The following TIAM2 variants were observed in gnomAD, a reference collection of about 807,000 sequenced individuals.
The protein encoded by TIAM2 is TIAM Rac1 associated GEF 2, also known as rho guanine nucleotide exchange factor TIAM2.
TIAM2 carries 80 observed loss-of-function variants against 152.9 expected under a neutral mutation model. The ratio of observed to expected loss-of-function variants is 0.52; its 90% CI spans 0.44 to 0.63. The LOEUF (loss-of-function observed/expected upper bound fraction) is 0.63. Ranked by LOEUF, TIAM2 falls within the 30% of genes least tolerant of loss-of-function variation. The pLI, the probability that TIAM2 is intolerant of heterozygous loss-of-function variation, is 0.00. For missense variants in TIAM2, 1,965 were observed against 2,120.1 expected, an observed-to-expected ratio of 0.93 and a Z score of 1.44; for synonymous variants, 804 against 838.0, an observed-to-expected ratio of 0.96 and a Z score of 0.70.
chr6:155,245,460 G>A (rs941461722), intron 18 of TIAM2, among the ~76,000 whole-genome samples, 163 bp from the exon 19 acceptor site: 12 of 152,204 alleles, frequency 7.9e-5, no homozygotes, highest in African/African-American at 1.7e-4. Flanking sequence ...CCAGGGGAGC[G>A]CCTGGGCTGT....
chr6:155,047,728 A>AGAGC (rs1562300285), intron 1 of TIAM2, among the ~76,000 whole-genome samples: 25 of 132,470 alleles, frequency 1.9e-4, no homozygotes, highest in African/African-American at 6.5e-4. Flanking sequence ...AGAGAGAGCG[A>AGAGC]GAGAGAGAGA....
At chr6:155,198,775 A>G (rs1027744658) in intron 14 of TIAM2, among the ~76,000 whole-genome samples, 1 of 151,808 alleles carries the variant, frequency 6.6e-6, no homozygotes, top group Admixed American at 6.6e-5. Context: ...TGAGGCTTCC[A>G]TGATTTCTTC....
intron 1 of TIAM2, among the ~76,000 whole-genome samples, chr6:155,009,028 A>G (rs1458116193): frequency 1.4e-5 from 2 of 147,010 alleles, no homozygotes; most frequent in Admixed American, 1.4e-4. Context: ...CATCAGAATC[A>G]CCTGGAGGGC....
intron 5 of TIAM2, among the ~76,000 whole-genome samples, chr6:155,142,391 T>C (rs1340493509): frequency 6.6e-6 from 1 of 152,226 alleles, no homozygotes; most frequent in Non-Finnish European, 1.5e-5. Context: ...TTGGTGACAT[T>C]TTGGCATTGG....
chr6:155,128,954 C>T (rs753229926), intron 3 of TIAM2, among the ~76,000 whole-genome samples: 7 of 152,078 alleles, frequency 4.6e-5, no homozygotes, highest in African/African-American at 1.4e-4. Context: ...TATGCCTGTT[C>T]GCCTTCTAAA....
At chr6:155,071,750 G>C (rs977887643) in intron 1 of TIAM2, among the ~76,000 whole-genome samples, 1 of 152,072 alleles carries the variant, frequency 6.6e-6, no homozygotes, top group Non-Finnish European at 1.5e-5. Flanking sequence ...ACAAAAATTA[G>C]CTGGGTGTGG....
At chr6:155,093,829 T>G (rs1267751865) in intron 2 of TIAM2, among the ~76,000 whole-genome samples, 2 of 152,200 alleles carry the variant, frequency 1.3e-5, no homozygotes, top group Non-Finnish European at 2.9e-5. Context: ...ATTATCTGCT[T>G]TCCTAGGCCA....
intron 9 of TIAM2, among the ~76,000 whole-genome samples, chr6:155,170,876 TA>T (rs1185363271): frequency 1.3e-5 from 2 of 152,224 alleles, no homozygotes; most frequent in African/African-American, 2.4e-5. Flanking sequence ...AGGACAATTT[TA>T]ATGCAGCCTC....
Position 155,256,833 on chromosome 6 carries a change from G to A in TIAM2, c.4818G>A (p.Glu1606=), listed in dbSNP as rs113400640. ...RISEDPDVHP[E]AEQQPGPESG... Reference sequence around the variant, plus strand: ...CCGAGGACCCAGACGTTCACCCCGAGGCTGAGCAGCAGCCTGGCCCGGAGT... The same window carrying A: ...CCGAGGACCCAGACGTTCACCCCGAAGCTGAGCAGCAGCCTGGCCCGGAGT... Residue 1606 remains glutamate (E), a synonymous_variant, in exon 27 of 27, where the codon GAG becomes GAA. Transcript: ENST00000682666. 2,372 of 1,614,178 alleles carry A rather than the reference G, an allele frequency of 1.5e-3. 37 individuals carry two copies. In the African/African-American group the frequency reaches 0.028, roughly 19 times the overall value.
intron 2 of TIAM2, among the ~76,000 whole-genome samples, chr6:155,094,610 C>T (rs1163316711): frequency 9.3e-5 from 12 of 129,468 alleles, no homozygotes; most frequent in Middle Eastern, 6.0e-3. Flanking sequence ...GGTGCAGTGG[C>T]GCTATCTCAG....
intron 19 of TIAM2, among the ~76,000 whole-genome samples, chr6:155,246,953 G>A (rs1783372008): frequency 6.6e-6 from 1 of 152,230 alleles, no homozygotes; most frequent in Admixed American, 6.5e-5. Flanking sequence ...AAGTAGCACT[G>A]GTGTATCCGC....
intron 2 of TIAM2, among the ~76,000 whole-genome samples, chr6:155,115,644 C>A (rs1010842322): frequency 5.3e-5 from 8 of 152,098 alleles, no homozygotes; most frequent in Non-Finnish European, 8.8e-5. Flanking sequence ...TAGAGCAAGA[C>A]CCTGGCAATA....
chr6:155,007,842 G>A (rs1025684903), intron 1 of TIAM2, among the ~76,000 whole-genome samples: 2 of 152,166 alleles, frequency 1.3e-5, no homozygotes, highest in African/African-American at 2.4e-5. Flanking sequence ...CCGTCGGATG[G>A]TTGCCATTGC....
chr6:155,232,187 C>T (rs529956306), intron 15 of TIAM2, among the ~76,000 whole-genome samples: 2 of 152,086 alleles, frequency 1.3e-5, no homozygotes, highest in Non-Finnish European at 2.9e-5. Flanking sequence ...GGGGATAATA[C>T]TAGATCTTTC....
chr6:155,095,523 T>C (rs1363715596), intron 2 of TIAM2, among the ~76,000 whole-genome samples: 2 of 152,166 alleles, frequency 1.3e-5, no homozygotes, highest in Admixed American at 6.5e-5. Flanking sequence ...TGGAAGGAGT[T>C]CTCATCTATC....
intron 15 of TIAM2, among the ~76,000 whole-genome samples, chr6:155,211,875 T>C (rs1350080278): frequency 6.6e-6 from 1 of 152,200 alleles, no homozygotes; most frequent in Non-Finnish European, 1.5e-5. Context: ...TAACTCTCTA[T>C]TTCCCCTGCT....
chr6:155,217,229 A>G, intron 15 of TIAM2: 1 of 914,066 alleles, frequency 1.1e-6, no homozygotes, highest in Non-Finnish European at 1.5e-6. Flanking sequence ...ATGAGAAGAG[A>G]TGCCTTTCTC....
chr6:155,015,565 A>C (rs920256952), intron 1 of TIAM2, among the ~76,000 whole-genome samples: 8 of 152,212 alleles, frequency 5.3e-5, no homozygotes. Context: ...TAGGAGGCAG[A>C]GAAGGGGACT....
At chr6:155,070,070 C>G (rs942934790) in intron 1 of TIAM2, among the ~76,000 whole-genome samples, 5 of 151,344 alleles carry the variant, frequency 3.3e-5, no homozygotes, top group Non-Finnish European at 7.4e-5. Context: ...CCACACCCAG[C>G]TAATTTTTGT....
Sources: gnomAD v4.1 joint callset for allele counts (sites outside exome capture counted in the v4.1 genomes callset) on GRCh38, gnomAD v4.1.1 for gene constraint, MANE v1.5 for transcripts, NCBI Gene and HGNC (gene_info 2026-07-23, HGNC 2026-07-21) for gene names.